Variants in SNTG1 observed in about 807,000 individuals in gnomAD.
The protein encoded by SNTG1 is syntrophin gamma 1.
In SNTG1, 39 loss-of-function variants were observed where a neutral mutation model predicts 74.7. The observed-to-expected ratio is 0.52, with a 90% confidence interval of 0.40 to 0.68. The LOEUF is 0.68. Among genes scored for constraint, SNTG1 ranks in the 30% least tolerant of loss-of-function variants. The probability of loss-of-function intolerance (pLI) is 0.00; values close to 1 mark genes in which losing one functional copy is unlikely to be tolerated. For missense variants in SNTG1, 685 were observed against 609.5 expected, an observed-to-expected ratio of 1.12 and a Z score of -1.30; for synonymous variants, 254 against 217.1, an observed-to-expected ratio of 1.17 and a Z score of -1.49.
At chr8:50,578,749 G>A (rs1194653895) in intron 12 of SNTG1, among the ~76,000 whole-genome samples, 1 of 152,166 alleles carries the variant, frequency 6.6e-6, no homozygotes, top group Non-Finnish European at 1.5e-5. Context: ...AGAAGGATGT[G>A]TTTGCTTCCC....
chr8:50,608,266 T>C (rs2094826884), intron 13 of SNTG1, among the ~76,000 whole-genome samples: 1 of 151,716 alleles, frequency 6.6e-6, no homozygotes, highest in Admixed American at 6.6e-5. Context: ...GACTATTCAG[T>C]TAGTTTTTCT....
chr8:50,178,171 A>G (rs549060554), intron 2 of SNTG1, among the ~76,000 whole-genome samples: 1 of 152,218 alleles, frequency 6.6e-6, no homozygotes, highest in African/African-American at 2.4e-5. Flanking sequence ...TAAGCTTTCA[A>G]ATCCATTGGT....
intron 1 of SNTG1, among the ~76,000 whole-genome samples, chr8:50,043,712 G>A (rs899325147): frequency 6.6e-6 from 1 of 152,156 alleles, no homozygotes; most frequent in East Asian, 1.9e-4. Context: ...AGATGCTTTG[G>A]TATTCAACAG....
At chr8:50,029,948 A>T (rs1446528887) in intron 1 of SNTG1, among the ~76,000 whole-genome samples, 2 of 152,050 alleles carry the variant, frequency 1.3e-5, no homozygotes, top group Non-Finnish European at 2.9e-5. Flanking sequence ...TGGCTGTACT[A>T]ATCTACATTC....
chr8:50,690,750 G>C (rs2095374442), intron 15 of SNTG1, among the ~76,000 whole-genome samples: 3 of 152,184 alleles, frequency 2.0e-5, no homozygotes, highest in African/African-American at 7.2e-5. Context: ...AAGTTCTGCA[G>C]ATGTCTATTA....
chr8:50,556,577 A>G (rs2094456667), intron 12 of SNTG1, among the ~76,000 whole-genome samples: 1 of 152,218 alleles, frequency 6.6e-6, no homozygotes, highest in African/African-American at 2.4e-5. Flanking sequence ...ATCAATTTTT[A>G]TTTCCATGAT....
Position 50,266,672 on chromosome 8 carries a change from G to GTATATA in SNTG1, c.-28+94038_-28+94039insATATAT, listed in dbSNP as rs1348878636. On this transcript the variant is annotated intron_variant, in intron 2 of 18. Coordinates refer to ENST00000642720, the MANE Select transcript of SNTG1 (RefSeq NM_018967.5). The stretch of plus-strand genomic sequence containing the variant: ...TGTGTGTGTGTGTGTGTGTGTGTGT[G>GTATATA]TGTGTGTGTGTGTATATATATATAT... Among the ~76,000 whole-genome samples the GTATATA allele has an allele frequency of 4.6e-5, 6 of 129,366 alleles. No individual in the cohort carries two copies. In the South Asian group the frequency reaches 7.5e-4, roughly 16 times the overall value. 84.9% of individuals were successfully genotyped at this position (129,366 alleles called of 152,430 possible).
At chr8:50,565,908 A>G (rs2094514183) in intron 12 of SNTG1, among the ~76,000 whole-genome samples, 1 of 152,004 alleles carries the variant, frequency 6.6e-6, no homozygotes, top group Non-Finnish European at 1.5e-5. Context: ...ACGCAGAGGT[A>G]ATAAAAGGTA....
intron 13 of SNTG1, among the ~76,000 whole-genome samples, chr8:50,623,560 G>A (rs1481356575): frequency 2.6e-5 from 4 of 151,924 alleles, no homozygotes; most frequent in Non-Finnish European, 5.9e-5. Flanking sequence ...CCCTGTATGT[G>A]CCCATTTCTA....
At chr8:50,555,825 A>G (rs1345018981) in intron 12 of SNTG1, among the ~76,000 whole-genome samples, 1 of 152,194 alleles carries the variant, frequency 6.6e-6, no homozygotes, top group Non-Finnish European at 1.5e-5. Context: ...AGACATACAT[A>G]TGTATATAAA....
At chr8:50,518,717 A>T (rs968303618) in intron 9 of SNTG1, among the ~76,000 whole-genome samples, 3 of 152,200 alleles carry the variant, frequency 2.0e-5, no homozygotes, top group African/African-American at 7.2e-5. Context: ...GAAATGGGTA[A>T]ATTCCTGAAC....
At chr8:50,701,848 CTCT>C (rs1411749966) in intron 15 of SNTG1, among the ~76,000 whole-genome samples, 2 of 142,630 alleles carry the variant, frequency 1.4e-5, no homozygotes, top group Non-Finnish European at 1.5e-5. Flanking sequence ...CTCCTTCTCC[CTCT>C]TCTTCTTCCT....
intron 5 of SNTG1, 137 bp from the exon 6 acceptor site, chr8:50,449,531 G>A: frequency 1.9e-6 from 1 of 536,684 alleles, no homozygotes; most frequent in Non-Finnish European, 3.0e-6. Context: ...TATCTACTTA[G>A]AGGAGAAATT....
intron 1 of SNTG1, among the ~76,000 whole-genome samples, chr8:50,062,044 T>G (rs1820518526): frequency 6.6e-6 from 1 of 152,108 alleles, no homozygotes. Context: ...GATGGAATTT[T>G]TGTGTTTTTT....
chr8:50,743,012 T>G (rs1213211120), intron 17 of SNTG1, among the ~76,000 whole-genome samples: 3 of 151,444 alleles, frequency 2.0e-5, no homozygotes, highest in African/African-American at 7.3e-5. Context: ...TAATCATAAA[T>G]CTGTCAACAG....
intron 13 of SNTG1, among the ~76,000 whole-genome samples, chr8:50,630,228 A>T (rs2131103113): frequency 6.6e-6 from 1 of 152,280 alleles, no homozygotes; most frequent in African/African-American, 2.4e-5. Flanking sequence ...TTGAGTGATA[A>T]AGAAAGAATA....
rs2095360535 is a variant in SNTG1 at position 50,688,057 on chromosome 8, T to A, written c.1039-16543T>A. Among the ~76,000 whole-genome samples, 4 of 152,206 alleles carry A rather than the reference T, an allele frequency of 2.6e-5. No homozygotes were observed. In the South Asian group the frequency reaches 8.3e-4, roughly 31 times the overall value. ...TTTTTGGCTGCATAAATGTCTTCTT[T>A]TGGGAAGTGTCTGTCCATATCCTTC... On this transcript the variant is annotated intron_variant, in intron 15 of 18. Coordinates refer to ENST00000642720, the MANE Select transcript of SNTG1 (RefSeq NM_018967.5).
At chr8:50,478,425 A>T (rs1204086281) in intron 8 of SNTG1, among the ~76,000 whole-genome samples, 2 of 152,158 alleles carry the variant, frequency 1.3e-5, no homozygotes, top group East Asian at 3.9e-4. Flanking sequence ...AAGCAATACA[A>T]TTTGATAAGC....
intron 1 of SNTG1, among the ~76,000 whole-genome samples, chr8:50,045,357 C>G (rs11986031): frequency 2.0e-5 from 3 of 152,080 alleles, no homozygotes; most frequent in Non-Finnish European, 4.4e-5. Flanking sequence ...AGGCACATCA[C>G]GTGCTCAGAG....
Sources: allele counts gnomAD v4.1 joint callset (sites outside exome capture counted in the v4.1 genomes callset), GRCh38; gene constraint gnomAD v4.1.1; transcripts MANE v1.5; gene names NCBI Gene and HGNC (gene_info 2026-07-23, HGNC 2026-07-21).